RBFOX1: variants seen among roughly 807,000 people sequenced by gnomAD.
RBFOX1 encodes the protein RNA binding protein fox-1 homolog 1.
Under a neutral mutation model 57.7 loss-of-function variants are expected in RBFOX1, and 8 were observed. That is an observed-to-expected ratio of 0.14 (90% CI 0.08 to 0.25). The LOEUF (loss-of-function observed/expected upper bound fraction) is 0.25. RBFOX1 is among the 10% of genes least tolerant of loss of function. RBFOX1 has a pLI of 1.00. For missense variants in RBFOX1, 611 were observed against 548.5 expected, an observed-to-expected ratio of 1.11 and a Z score of -1.14; for synonymous variants, 326 against 222.4, an observed-to-expected ratio of 1.47 and a Z score of -4.15.
intron 1 of RBFOX1, among the ~76,000 whole-genome samples, chr16:6,125,827 A>G (rs1269290032): frequency 6.6e-6 from 1 of 152,152 alleles, no homozygotes; most frequent in Non-Finnish European, 1.5e-5. Flanking sequence ...CTCCCATTGT[A>G]TTGTGAGATG....
intron 4 of RBFOX1, among the ~76,000 whole-genome samples, chr16:7,193,685 C>T (rs981091113): frequency 6.6e-6 from 1 of 152,220 alleles, no homozygotes; most frequent in East Asian, 1.9e-4. Flanking sequence ...TGTCACAGAG[C>T]TGGTATGTGA....
chr16:5,271,748 C>G (rs1024757719), intron 1 of RBFOX1, among the ~76,000 whole-genome samples: 1 of 152,172 alleles, frequency 6.6e-6, no homozygotes, highest in Admixed American at 6.5e-5. Flanking sequence ...TCTCCTATCC[C>G]CTACCTTTCC....
intron 1 of RBFOX1, among the ~76,000 whole-genome samples, chr16:5,465,298 C>G (rs1002782659): frequency 1.3e-5 from 2 of 151,936 alleles, no homozygotes; most frequent in Non-Finnish European, 2.9e-5. Context: ...CTTTGTGTGT[C>G]CAAATTTCAT....
chr16:7,698,197 TG>T, intron 14 of RBFOX1, among the ~76,000 whole-genome samples: 1 of 144,766 alleles, frequency 6.9e-6, no homozygotes, highest in Non-Finnish European at 1.5e-5. Flanking sequence ...TGTGTGTGTG[TG>T]TGTGTGTGTG....
At chr16:7,262,777 G>T (rs561312601) in intron 4 of RBFOX1, among the ~76,000 whole-genome samples, 1 of 152,278 alleles carries the variant, frequency 6.6e-6, no homozygotes, top group African/African-American at 2.4e-5. Flanking sequence ...TGCAAAGGCA[G>T]TTGTAAGCTC....
At chr16:7,155,093 C>G (rs373683637) in intron 4 of RBFOX1, among the ~76,000 whole-genome samples, 1 of 152,166 alleles carries the variant, frequency 6.6e-6, no homozygotes, top group Admixed American at 6.6e-5. Context: ...TCAATGCAAA[C>G]TCTCCAAAGC....
intron 11 of RBFOX1, among the ~76,000 whole-genome samples, chr16:7,638,599 C>T (rs1262432297): frequency 6.6e-6 from 1 of 152,130 alleles, no homozygotes; most frequent in African/African-American, 2.4e-5. Flanking sequence ...CTGGCCAGGG[C>T]TTAGCAAAAT....
chr16:7,127,959 C>T (rs2069051615), intron 4 of RBFOX1, among the ~76,000 whole-genome samples: 1 of 152,166 alleles, frequency 6.6e-6, no homozygotes, highest in African/African-American at 2.4e-5. Context: ...CTGCAAAGGT[C>T]CGAAAGAGGC....
chr16:5,447,301 G>T (rs1295288868), intron 1 of RBFOX1, among the ~76,000 whole-genome samples: 1 of 152,010 alleles, frequency 6.6e-6, no homozygotes, highest in Non-Finnish European at 1.5e-5. Context: ...CGTATAAGCT[G>T]TGTGACTTTA....
chr16:5,784,146 G>T (rs1039478941), intron 3 of RBFOX1, among the ~76,000 whole-genome samples: 1 of 152,156 alleles, frequency 6.6e-6, no homozygotes, highest in African/African-American at 2.4e-5. Flanking sequence ...AGGCAGCCGG[G>T]CGCGGTGGCT....
At chr16:7,608,029 C>T (rs569371190) in intron 10 of RBFOX1, among the ~76,000 whole-genome samples, 1 of 152,164 alleles carries the variant, frequency 6.6e-6, no homozygotes, top group African/African-American at 2.4e-5. Context: ...TCGGCTTGGC[C>T]CGTCACTACT....
chr16:6,195,267 A>C (rs1051762843), intron 1 of RBFOX1, among the ~76,000 whole-genome samples: 9 of 152,146 alleles, frequency 5.9e-5, no homozygotes, highest in Non-Finnish European at 1.0e-4. Flanking sequence ...CTTGCCTTGT[A>C]AGCCAGTCTT....
intron 3 of RBFOX1, among the ~76,000 whole-genome samples, chr16:5,713,079 T>C (rs1043400283): frequency 2.6e-5 from 4 of 152,196 alleles, no homozygotes; most frequent in African/African-American, 7.2e-5. Context: ...CAGAAAGTTT[T>C]CCTTTCCTTT....
intron 1 of RBFOX1, among the ~76,000 whole-genome samples, chr16:6,082,074 G>A (rs1315018402): frequency 2.0e-5 from 3 of 151,670 alleles, no homozygotes; most frequent in African/African-American, 7.3e-5. Context: ...GTCTGTGTCT[G>A]TATAATGAGG....
intron 2 of RBFOX1, among the ~76,000 whole-genome samples, chr16:5,509,602 G>A (rs1181722370): frequency 1.3e-5 from 2 of 152,176 alleles, no homozygotes; most frequent in Non-Finnish European, 2.9e-5. Context: ...AGCAGTGAGG[G>A]GCCCTTGCAA....
At position 6,299,696 on chromosome 16, in the gene RBFOX1, G is replaced by A. The variant is rs141441504; in HGVS notation, c.-126-17299G>A. Among the ~76,000 whole-genome samples the A allele has an allele frequency of 1.2e-4, 19 of 152,246 alleles. No individual in the cohort carries two copies. The East Asian group carries it at 3.1e-3, about 25-fold the overall frequency. Reference sequence around the variant, plus strand: ...GGATCCTTAATGACTACCTGCCAAAGCCTAAACTCAGTTATTTGCAGTGGC... The same window carrying A: ...GGATCCTTAATGACTACCTGCCAAAACCTAAACTCAGTTATTTGCAGTGGC... On this transcript the variant is annotated intron_variant, in intron 1 of 15. Transcript: ENST00000550418.
chr16:7,474,800 C>T (rs1218585311), intron 4 of RBFOX1, among the ~76,000 whole-genome samples: 2 of 152,160 alleles, frequency 1.3e-5, no homozygotes, highest in African/African-American at 2.4e-5. Context: ...AAGCGTTCAC[C>T]ATGAGGGTTC....
chr16:6,905,821 C>T lies in RBFOX1; in HGVS notation c.-15-146236C>T, dbSNP rs187269188. On this transcript the variant is annotated intron_variant, in intron 3 of 15. Transcript: ENST00000550418. Reference sequence around the variant, plus strand: ...GCCTAGGAAACCTGCTGCCTTGGCACGGTGGTATTAGTGGCTGAGGGCTGT... The same window carrying T: ...GCCTAGGAAACCTGCTGCCTTGGCATGGTGGTATTAGTGGCTGAGGGCTGT... Among the ~76,000 whole-genome samples, 152 of 152,328 alleles carry T rather than the reference C, an allele frequency of 1.0e-3. 3 individuals are homozygous for T. The South Asian group carries it at 0.013, about 13-fold the overall frequency.
At chr16:5,441,947 A>G (rs903491247) in intron 1 of RBFOX1, among the ~76,000 whole-genome samples, 2 of 152,178 alleles carry the variant, frequency 1.3e-5, no homozygotes, top group African/African-American at 4.8e-5. Flanking sequence ...ACAATTCAAG[A>G]TGAGATTTGT....
Sources: allele counts gnomAD v4.1 joint callset (sites outside exome capture counted in the v4.1 genomes callset), GRCh38; gene constraint gnomAD v4.1.1; transcripts MANE v1.5; gene names NCBI Gene and HGNC (gene_info 2026-07-23, HGNC 2026-07-21).